MAP4: variants seen among roughly 807,000 people sequenced by gnomAD.
The protein encoded by MAP4 is microtubule associated protein 4.
A neutral mutation model predicts 170.2 loss-of-function variants in MAP4; 76 were observed. The observed-to-expected ratio is 0.45, with a 90% CI of 0.37 to 0.54. The LOEUF (loss-of-function observed/expected upper bound fraction) is 0.54, where lower values mean the gene tolerates loss of function less well. Ranked by LOEUF, MAP4 falls within the 20% of genes least tolerant of loss-of-function variation. The pLI is 0.00. For synonymous variants in MAP4, 909 were observed against 994.5 expected (o/e 0.91, Z 1.62); for missense variants, 2,506 against 2,748.0 (o/e 0.91, Z 1.97).
intron 3 of MAP4, among the ~76,000 whole-genome samples, chr3:47,936,537 C>T (rs536608890): frequency 2.6e-5 from 4 of 151,894 alleles, no homozygotes; most frequent in East Asian, 3.9e-4. Context: ...GCTACAAGCA[C>T]GCAACAAAAT....
In MAP4 at chr3:47,851,847, G is replaced by C. The variant is rs988387955; in HGVS notation, c.*1087C>G. On this transcript the variant is annotated 3_prime_UTR_variant, in exon 21 of 21. Coordinates refer to ENST00000683076, the MANE Select transcript of MAP4 (RefSeq NM_001385682.1). The stretch of plus-strand genomic sequence containing the variant: ...GGACATGAGGGCTTACATGTCCTAG[G>C]GTGTGGGTGCCGGCCTGAAGGAATT... 3.9e-5 allele frequency: 6 copies of C among 152,190 alleles called. No individual in the cohort carries two copies. Among genetic ancestry groups the C allele is most frequent in the African/African-American group, 1.4e-4 (6 of 41,426 alleles). 9.4% of individuals were successfully genotyped at this position (152,190 alleles called of 1,614,324 possible).
At chr3:47,874,546 G>A (rs1438138455) in intron 12 of MAP4, among the ~76,000 whole-genome samples, 3 of 152,210 alleles carry the variant, frequency 2.0e-5, no homozygotes, top group South Asian at 2.1e-4. Context: ...GATTATTATA[G>A]AGTGAAATTT....
intron 10 of MAP4, among the ~76,000 whole-genome samples, chr3:47,879,951 ATGT>A (rs1472541859): frequency 2.0e-5 from 3 of 152,208 alleles, no homozygotes; most frequent in African/African-American, 7.2e-5. Context: ...ATTAAATATG[ATGT>A]TAGCTGTAGG....
chr3:47,959,627 C>T (rs1360965196), intron 3 of MAP4, among the ~76,000 whole-genome samples: 1 of 151,412 alleles, frequency 6.6e-6, no homozygotes. Flanking sequence ...GACGTGGTGG[C>T]GGGAGCCTGT....
intron 2 of MAP4, among the ~76,000 whole-genome samples, chr3:47,978,855 C>T (rs1271076389): frequency 1.3e-5 from 2 of 149,338 alleles, no homozygotes; most frequent in Non-Finnish European, 3.0e-5. Flanking sequence ...TCTTTGGTGA[C>T]TTGAATGGTC....
At chr3:47,939,423 G>T (rs1323619736) in intron 3 of MAP4, among the ~76,000 whole-genome samples, 2 of 152,064 alleles carry the variant, frequency 1.3e-5, no homozygotes, top group Non-Finnish European at 2.9e-5. Flanking sequence ...CTAGCTAACT[G>T]CATGAGACAG....
At chr3:47,878,522 A>G (rs1373102876) in intron 10 of MAP4, among the ~76,000 whole-genome samples, 1 of 152,188 alleles carries the variant, frequency 6.6e-6, no homozygotes, top group Non-Finnish European at 1.5e-5. Flanking sequence ...TATAAGAAAA[A>G]TAAAAAAACC....
In MAP4 at chr3:47,917,024, G is replaced by A. The variant is rs2100039924; in HGVS notation, c.803C>T (p.Thr268Ile). The change falls in exon 7 of 21, where the codon ACA (threonine) becomes ATA (isoleucine). Residue 268 changes from threonine to isoleucine, a missense_variant. Coordinates refer to ENST00000683076, the MANE Select transcript of MAP4 (RefSeq NM_001385682.1). ...TTTAGCCAATGCCACCTCGGTTTTT[G>A]TAGCTAGTGCCATGTCCTTGGCGAG... Reference protein sequence around the residue: ...MALAKDMALATKTEVALAKDM... With the variant: ...MALAKDMALAIKTEVALAKDM... 2 of 1,613,982 alleles carry A rather than the reference G, an allele frequency of 1.2e-6. No homozygotes were observed. The highest frequency in any genetic ancestry group is 2.7e-5 in the African/African-American group (2 of 74,892).
intron 2 of MAP4, among the ~76,000 whole-genome samples, chr3:47,986,178 T>A (rs2100088545): frequency 6.6e-6 from 1 of 152,194 alleles, no homozygotes; most frequent in South Asian, 2.1e-4. Context: ...GGGGTCTTGC[T>A]ATGTTACCCA....
At chr3:48,048,699 T>G (rs1359555211) in intron 1 of MAP4, among the ~76,000 whole-genome samples, 1 of 151,996 alleles carries the variant, frequency 6.6e-6, no homozygotes, top group Non-Finnish European at 1.5e-5. Context: ...TAAATTTTTT[T>G]GTAGAGACAG....
intron 17 of MAP4, among the ~76,000 whole-genome samples, chr3:47,863,062 C>T (rs2070876413): frequency 1.3e-5 from 2 of 151,976 alleles, no homozygotes; most frequent in African/African-American, 4.8e-5. Flanking sequence ...CCATAACCTC[C>T]GCCTCCCAGG....
chr3:48,019,215 G>T (rs1579300868), upstream of MAP4, among the ~76,000 whole-genome samples: 1 of 152,022 alleles, frequency 6.6e-6, no homozygotes, highest in East Asian at 1.9e-4. Flanking sequence ...GGTGGTGTGT[G>T]CCTGTAGTGC....
intron 3 of MAP4, among the ~76,000 whole-genome samples, chr3:47,952,550 C>T (rs771892972): frequency 2.4e-4 from 36 of 152,024 alleles, no homozygotes; most frequent in Middle Eastern, 6.8e-3. Flanking sequence ...AAGAAAAATT[C>T]TTCTGCCTTG....
At chr3:47,925,169 C>G (rs753140882) in intron 4 of MAP4, among the ~76,000 whole-genome samples, 3 of 152,180 alleles carry the variant, frequency 2.0e-5, no homozygotes, top group Non-Finnish European at 4.4e-5. Context: ...TTTCTGCCAT[C>G]TATTCTACAA....
intron 1 of MAP4, among the ~76,000 whole-genome samples, chr3:48,025,089 CT>C (rs1375929345): frequency 1.3e-5 from 2 of 151,960 alleles, no homozygotes; most frequent in Non-Finnish European, 2.9e-5. Context: ...CCACGAAGTT[CT>C]TTTTCAGTCT....
chr3:48,028,344 G>T (rs2100114160), intron 1 of MAP4, among the ~76,000 whole-genome samples: 1 of 152,166 alleles, frequency 6.6e-6, no homozygotes, highest in Non-Finnish European at 1.5e-5. Flanking sequence ...CTGCACTAAA[G>T]CTATTTAAAT....
intron 3 of MAP4, among the ~76,000 whole-genome samples, chr3:47,965,216 C>G (rs2100074140): frequency 6.6e-6 from 1 of 152,010 alleles, no homozygotes; most frequent in Non-Finnish European, 1.5e-5. Flanking sequence ...CATGTTGTAC[C>G]ATATCAGAAT....
At chr3:48,006,789 T>C (rs920679194) in intron 1 of MAP4, among the ~76,000 whole-genome samples, 1 of 152,234 alleles carries the variant, frequency 6.6e-6, no homozygotes, top group Non-Finnish European at 1.5e-5. Flanking sequence ...AGATGGATCC[T>C]GGAGAATGAT....
At chr3:48,011,302 G>A (rs761943730) in intron 1 of MAP4, among the ~76,000 whole-genome samples, 1 of 152,178 alleles carries the variant, frequency 6.6e-6, no homozygotes, top group African/African-American at 2.4e-5. Flanking sequence ...GCCAAGGCGG[G>A]TGGATCACTT....
Sources: gnomAD v4.1 joint callset for allele counts (sites outside exome capture counted in the v4.1 genomes callset) on GRCh38, gnomAD v4.1.1 for gene constraint, MANE v1.5 for transcripts, NCBI Gene and HGNC (gene_info 2026-07-23, HGNC 2026-07-21) for gene names.